The following LRRC4C variants were observed in gnomAD, a reference collection of about 807,000 sequenced individuals.
LRRC4C encodes the protein leucine-rich repeat-containing protein 4C.
A neutral mutation model predicts 33.6 loss-of-function variants in LRRC4C; 5 were observed. The observed-to-expected ratio is 0.15, with a 90% CI of 0.08 to 0.31. The LOEUF is 0.31. LRRC4C is among the 10% of genes least tolerant of loss of function. LRRC4C has a pLI of 1.00. For missense variants in LRRC4C, 560 were observed against 796.7 expected, an observed-to-expected ratio of 0.70 and a Z score of 3.58; for synonymous variants, 329 against 302.0, an observed-to-expected ratio of 1.09 and a Z score of -0.93.
At chr11:40,986,074 A>G (rs970051043) in intron 1 of LRRC4C, among the ~76,000 whole-genome samples, 9 of 152,214 alleles carry the variant, frequency 5.9e-5, no homozygotes, top group South Asian at 2.1e-4. Context: ...TAGTTAAACT[A>G]TATATGAAAG....
chr11:40,301,875 A>G (rs1395735093), intron 4 of LRRC4C, among the ~76,000 whole-genome samples: 1 of 152,224 alleles, frequency 6.6e-6, no homozygotes, highest in East Asian at 1.9e-4. Context: ...AGAGACAAAA[A>G]TGACTCTCTA....
intron 5 of LRRC4C, among the ~76,000 whole-genome samples, chr11:40,207,638 G>C (rs1863259477): frequency 6.6e-6 from 1 of 152,130 alleles, no homozygotes; most frequent in African/African-American, 2.4e-5. Context: ...GGGATGGCAA[G>C]AGATACTTTT....
chr11:40,449,127 T>A (rs1297331143), intron 3 of LRRC4C, among the ~76,000 whole-genome samples: 2 of 152,166 alleles, frequency 1.3e-5, no homozygotes, highest in Non-Finnish European at 2.9e-5. Flanking sequence ...AAGTTCTTGG[T>A]AGATTCAGGA....
intron 1 of LRRC4C, among the ~76,000 whole-genome samples, chr11:41,371,160 C>G (rs1952732537): frequency 8.1e-6 from 1 of 122,718 alleles, no homozygotes; most frequent in South Asian, 2.4e-4. Flanking sequence ...TATTTCAAGC[C>G]CTGAAATTGG....
intron 2 of LRRC4C, among the ~76,000 whole-genome samples, chr11:40,676,857 T>C (rs188290493): frequency 3.1e-4 from 47 of 152,294 alleles, no homozygotes; most frequent in African/African-American, 1.1e-3. Flanking sequence ...CCTAAAAACA[T>C]TCCCCAGTTT....
At chr11:40,424,102 T>A (rs1283993979) in intron 3 of LRRC4C, among the ~76,000 whole-genome samples, 1 of 152,146 alleles carries the variant, frequency 6.6e-6, no homozygotes, top group Admixed American at 6.5e-5. Context: ...GGTAAATACA[T>A]CATACAGAGT....
intron 1 of LRRC4C, among the ~76,000 whole-genome samples, chr11:41,126,714 T>C (rs977568066): frequency 3.3e-5 from 5 of 151,862 alleles, no homozygotes; most frequent in African/African-American, 1.2e-4. Flanking sequence ...TATTGAGGCT[T>C]GATTCTTTGA....
intron 3 of LRRC4C, among the ~76,000 whole-genome samples, chr11:40,363,441 G>A (rs1948058522): frequency 6.6e-6 from 1 of 151,988 alleles, no homozygotes; most frequent in South Asian, 2.1e-4. Context: ...GAGGATCAGG[G>A]AAAATAAATA....
At chr11:40,439,026 G>A (rs1012856706) in intron 3 of LRRC4C, among the ~76,000 whole-genome samples, 36 of 148,264 alleles carry the variant, frequency 2.4e-4, no homozygotes, top group African/African-American at 6.0e-4. Flanking sequence ...CGCCTCCCGG[G>A]TTCACGCCAT....
intron 2 of LRRC4C, among the ~76,000 whole-genome samples, chr11:40,790,105 G>C (rs952964352): frequency 2.0e-5 from 3 of 152,176 alleles, no homozygotes; most frequent in African/African-American, 7.2e-5. Flanking sequence ...GATAGAGGTA[G>C]TTATCATTGA....
chr11:40,756,009 G>A (rs1331291448), intron 2 of LRRC4C, among the ~76,000 whole-genome samples: 1 of 151,958 alleles, frequency 6.6e-6, no homozygotes, highest in Non-Finnish European at 1.5e-5. Flanking sequence ...CTGGCTTCCT[G>A]ATAAGAAGAA....
chr11:40,284,862 C>G (rs999378851), intron 4 of LRRC4C, among the ~76,000 whole-genome samples: 2 of 151,792 alleles, frequency 1.3e-5, no homozygotes, highest in African/African-American at 4.8e-5. Context: ...GAAAAAATAA[C>G]CAGTTATAGA....
chr11:41,452,492 T>C (rs987489939), intron 1 of LRRC4C, among the ~76,000 whole-genome samples: 4 of 152,100 alleles, frequency 2.6e-5, no homozygotes, highest in African/African-American at 9.7e-5. Context: ...TCCTTGACAG[T>C]TTTAAGTGGA....
In LRRC4C at chr11:41,139,563, C is replaced by A. The variant is rs183866816; in HGVS notation, c.-495-205840G>T. The stretch of plus-strand genomic sequence containing the variant: ...TTTAGGAGAAAACTAGAATAGACCT[C>A]AAAAACTGGATTTTGATCAATAGGT... On this transcript the variant is annotated intron_variant, in intron 1 of 6. Coordinates refer to ENST00000528697, the MANE Select transcript of LRRC4C (RefSeq NM_001258419.2). 2.5e-4 allele frequency among the ~76,000 whole-genome samples: 38 copies of A among 152,232 alleles called. No individual in the cohort carries two copies. The East Asian group carries it at 7.0e-3, about 28-fold the overall frequency.
chr11:40,651,398 G>A (rs1410349193), intron 2 of LRRC4C, among the ~76,000 whole-genome samples: 2 of 151,974 alleles, frequency 1.3e-5, no homozygotes, highest in Non-Finnish European at 2.9e-5. Flanking sequence ...AAAAAGTCCT[G>A]AATTACATGG....
rs148001129 is a variant in LRRC4C at position 41,146,701 on chromosome 11, C to T, written c.-495-212978G>A. On this transcript the variant is annotated intron_variant, in intron 1 of 6. Coordinates refer to ENST00000528697, the MANE Select transcript of LRRC4C (RefSeq NM_001258419.2). ...GTCCTTCTGAAGTGGAGGAGCCAGA[C>T]ATGAAAACAGATTTATTTTTCCAAG... is the stretch of plus-strand genomic sequence containing the variant. 6.1e-3 allele frequency among the ~76,000 whole-genome samples: 935 copies of T among 152,292 alleles called. 15 individuals are homozygous for T. Among genetic ancestry groups the T allele is most frequent in the African/African-American group, 0.021 (887 of 41,556 alleles).
At chr11:40,943,480 A>G (rs1019692184) in intron 1 of LRRC4C, among the ~76,000 whole-genome samples, 6 of 152,178 alleles carry the variant, frequency 3.9e-5, no homozygotes, top group Non-Finnish European at 5.9e-5. Context: ...CTTGTTGGCT[A>G]CAGTTGGATT....
chr11:40,130,663 T>C (rs1035032920), intron 6 of LRRC4C, among the ~76,000 whole-genome samples: 3 of 152,156 alleles, frequency 2.0e-5, no homozygotes, highest in Non-Finnish European at 2.9e-5. Flanking sequence ...AAATGTCCCC[T>C]GGGGGGCAAA....
Position 40,975,253 on chromosome 11 carries a change from T to C in LRRC4C, c.-495-41530A>G, listed in dbSNP as rs190427468. Among the ~76,000 whole-genome samples, 240 of 152,296 alleles carry C rather than the reference T, an allele frequency of 1.6e-3. 1 individual carries two copies. The highest frequency in any genetic ancestry group is 5.6e-3 in the African/African-American group (232 of 41,566). The stretch of plus-strand genomic sequence containing the variant: ...GTCATAAAAAGTTTGTGAATAAATA[T>C]AACCCAAGCCAAGGAACACGTAATT... On this transcript the variant is annotated intron_variant, in intron 1 of 6. Coordinates refer to ENST00000528697, the MANE Select transcript of LRRC4C (RefSeq NM_001258419.2).
Sources: allele counts gnomAD v4.1 joint callset (sites outside exome capture counted in the v4.1 genomes callset), GRCh38; gene constraint gnomAD v4.1.1; transcripts MANE v1.5; gene names NCBI Gene and HGNC (gene_info 2026-07-23, HGNC 2026-07-21).